KDR: variants seen among roughly 807,000 people sequenced by gnomAD.
KDR encodes the protein kinase insert domain receptor, also known as vascular endothelial growth factor receptor 2.
Under a neutral mutation model 160.9 loss-of-function variants are expected in KDR, and 43 were observed. That is an observed-to-expected ratio of 0.27 (90% CI 0.21 to 0.34). The LOEUF is 0.34. Among genes scored for constraint, KDR ranks in the 10% least tolerant of loss-of-function variants. The probability of loss-of-function intolerance (pLI) is 1.00; values close to 1 mark genes in which losing one functional copy is unlikely to be tolerated. For missense variants in KDR, 1,469 were observed against 1,666.4 expected, an observed-to-expected ratio of 0.88 and a Z score of 2.06; for synonymous variants, 617 against 600.1, an observed-to-expected ratio of 1.03 and a Z score of -0.41.
rs752603620 is a variant in KDR, at chr4:55,121,118, G to A, written c.140C>T (p.Thr47Ile). Residue 47 changes from threonine (T) to isoleucine (I), a missense_variant, in exon 2 of 30, where the codon ACA becomes ATA. Physicochemically the swap from Thr to Ile is moderately conservative, Grantham distance 89 (BLOSUM62 -1). Around this residue, in one of 7 missense-constraint regions of KDR, gnomAD observed 792 missense variants for 840.9 expected, o/e 0.94. Transcript: ENST00000263923. ...QKDILTIKANTTLQITCRGQR... is the reference protein window; with the variant it reads ...QKDILTIKANITLQITCRGQR... Reference sequence around the variant, plus strand: ...TTACCTGCAAGTAATTTGAAGAGTTGTATTAGCCTTAATTGTAAGTATGTC... The same window carrying A: ...TTACCTGCAAGTAATTTGAAGAGTTATATTAGCCTTAATTGTAAGTATGTC... The A allele has an allele frequency of 6.2e-7, 1 of 1,612,136 alleles. No homozygotes were observed. Among genetic ancestry groups the A allele is most frequent in the Non-Finnish European group, 8.5e-7 (1 of 1,178,328 alleles).
At chr4:55,096,694 A>T (rs1720165110) in intron 18 of KDR, 1 of 338,260 alleles carries the variant, frequency 3.0e-6, no homozygotes, top group Non-Finnish European at 5.6e-6. Flanking sequence ...GGGTCTGATC[A>T]TTTCAGCACT....
rs1719683117 is a variant in KDR, at chr4:55,079,825, T to C, written c.*116A>G. 1 of 955,112 alleles carries C rather than the reference T, an allele frequency of 1.0e-6. No homozygotes were observed. Among genetic ancestry groups the C allele is most frequent in the South Asian group, 1.3e-5 (1 of 76,160 alleles). 59.2% of individuals were successfully genotyped at this position (955,112 alleles called of 1,614,324 possible). A position where few individuals can be genotyped will look rare whatever the true frequency, so the allele number is the denominator to read the frequency against. ...CCTGCAGTCCGAGGTCCTTTTTCTG[T>C]TGTCGAAATGAAAATCAAATGCGGC... On this transcript the variant is annotated 3_prime_UTR_variant, in exon 30 of 30. Coordinates refer to ENST00000263923, the MANE Select transcript of KDR (RefSeq NM_002253.4).
chr4:55,107,722 T>C lies in KDR; in HGVS notation c.1412+15A>G, dbSNP rs1720478749. On this transcript the variant is annotated intron_variant, in intron 10 of 29. Coordinates refer to ENST00000263923, the MANE Select transcript of KDR (RefSeq NM_002253.4). ...CAAGATGGCAGGAAAGCAAAGAGCA[T>C]GTGGCCTTACTCACCTGGGCTCGTT... 1.9e-6 allele frequency: 3 copies of C among 1,613,816 alleles called. No homozygotes were observed. Among genetic ancestry groups the C allele is most frequent in the Non-Finnish European group, 2.5e-6 (3 of 1,179,766 alleles).
intron 15 of KDR, among the ~76,000 whole-genome samples, chr4:55,101,694 T>G (rs1720312022): frequency 6.6e-6 from 1 of 152,150 alleles, no homozygotes; most frequent in African/African-American, 2.4e-5. Context: ...TTCCCTTCCC[T>G]GTGTCTATGT....
At position 55,110,512 on chromosome 4, in the gene KDR, T is replaced by A. The variant is rs2110027487; in HGVS notation, c.1146A>T (p.Val382=). Residue 382 remains valine (V), a synonymous_variant, in exon 9 of 30, where the codon GTA becomes GTT. Coordinates refer to ENST00000263923, the MANE Select transcript of KDR (RefSeq NM_002253.4). The part of the protein sequence containing the change: ...ESNHTIKAGH[V]LTIMEVSERD... ...TTTCACTCACTTCCATAATCGTCAG[T>A]ACATGCCCCGCTTTAATTGTGTGAT... 1 of 1,614,036 alleles carries A rather than the reference T, an allele frequency of 6.2e-7. No individual in the cohort carries two copies. Among genetic ancestry groups the A allele is most frequent in the Non-Finnish European group, 8.5e-7 (1 of 1,179,960 alleles).
rs751624655 is a variant in KDR at position 55,104,763 on chromosome 4, C to T, written c.1867G>A (p.Asp623Asn). The change falls in exon 13 of 30, where the codon GAC becomes AAC. Residue 623 changes from aspartate to asparagine, a missense_variant. Around this residue, in one of 7 missense-constraint regions of KDR, gnomAD observed 792 missense variants for 840.9 expected, o/e 0.94. Coordinates refer to ENST00000263923, the MANE Select transcript of KDR (RefSeq NM_002253.4). ...TTCTTAAGCTCCATGATCAAAATGT[C>T]ATTTGTGCTATTAGAGAACATGGTG... is the stretch of plus-strand genomic sequence containing the variant. ...NATMFSNSTN[D>N]ILIMELKNAS... The T allele has an allele frequency of 1.9e-6, 3 of 1,613,926 alleles. No individual in the cohort carries two copies. Among genetic ancestry groups the T allele is most frequent in the Non-Finnish European group, 2.5e-6 (3 of 1,179,878 alleles).
Position 55,079,820 on chromosome 4 carries a change from T to A in KDR, c.*121A>T. ...GGCTCCCTGCAGTCCGAGGTCCTTTTTCTGTTGTCGAAATGAAAATCAAAT... is the reference window on the plus strand; with the variant it reads ...GGCTCCCTGCAGTCCGAGGTCCTTTATCTGTTGTCGAAATGAAAATCAAAT... On this transcript the variant is annotated 3_prime_UTR_variant, in exon 30 of 30. Transcript: ENST00000263923. The A allele has an allele frequency of 1.1e-6, 1 of 923,026 alleles. No individual in the cohort carries two copies. The highest frequency in any genetic ancestry group is 1.8e-6 in the Non-Finnish European group (1 of 560,186). The allele number at this position is 923,026 out of a possible 1,614,324, so 57.2% of individuals were successfully genotyped here.
intron 7 of KDR, among the ~76,000 whole-genome samples, chr4:55,112,504 A>T (rs1354639659): frequency 6.6e-6 from 1 of 151,014 alleles, no homozygotes; most frequent in Non-Finnish European, 1.5e-5. Context: ...GTTTTGTGGA[A>T]GTCAAAAGTT....
chr4:55,099,293 T>A (rs1560517461), intron 15 of KDR, among the ~76,000 whole-genome samples: 1 of 152,190 alleles, frequency 6.6e-6, no homozygotes, highest in Non-Finnish European at 1.5e-5. Context: ...GTGCAGGGAT[T>A]ACAGGCATAA....
Position 55,104,838 on chromosome 4 carries a change from A to C in KDR, c.1792T>G (p.Leu598Val). 1 of 1,613,350 alleles carries C rather than the reference A, an allele frequency of 6.2e-7. No individual in the cohort carries two copies. The highest frequency in any genetic ancestry group is 1.1e-5 in the South Asian group (1 of 91,028). Reference protein sequence around the residue: ...PQPLPIHVGELPTPVCKNLDT... With the variant: ...PQPLPIHVGEVPTPVCKNLDT... The stretch of plus-strand genomic sequence containing the variant: ...AAGTTCTTGCAAACAGGTGTGGGCA[A>C]CTCTCCCACATGGATTGGCAGAGGC... Residue 598 changes from leucine (L) to valine (V), a missense_variant, in exon 13 of 30, where the codon TTG becomes GTG. Leu to Val is a conservative substitution (Grantham distance 32). Around this residue, in one of 7 missense-constraint regions of KDR, gnomAD observed 792 missense variants for 840.9 expected, o/e 0.94. Coordinates refer to ENST00000263923, the MANE Select transcript of KDR (RefSeq NM_002253.4).
intron 26 of KDR, 23 bp from the exon 27 acceptor site, chr4:55,087,781 CTG>C (rs1482073034): frequency 6.2e-7 from 1 of 1,613,476 alleles, no homozygotes; most frequent in Non-Finnish European, 8.5e-7. Flanking sequence ...ACACAGAAGA[CTG>C]TTGTTATGGC....
intron 27 of KDR, among the ~76,000 whole-genome samples, chr4:55,083,943 C>G (rs1719797413): frequency 6.6e-6 from 1 of 152,210 alleles, no homozygotes; most frequent in African/African-American, 2.4e-5. Context: ...TTGTCAAACA[C>G]TACTGGTACC....
At chr4:55,088,590 CTTTGT>C (rs1193198244) in intron 26 of KDR, among the ~76,000 whole-genome samples, 1 of 152,044 alleles carries the variant, frequency 6.6e-6, no homozygotes, top group Non-Finnish European at 1.5e-5. Flanking sequence ...CAGATTTTTT[CTTTGT>C]TTTAACTTTA....
chr4:55,105,978 C>T (rs370272716), intron 11 of KDR, 38 bp from the exon 12 acceptor site: 19 of 1,323,224 alleles, frequency 1.4e-5, no homozygotes, highest in African/African-American at 1.0e-4. Context: ...CCATAAACAA[C>T]GCGGCTGTTT....
intron 3 of KDR, 52 bp downstream of exon 3, chr4:55,118,552 C>A (rs1245265273): frequency 2.1e-6 from 3 of 1,436,066 alleles, no homozygotes; most frequent in African/African-American, 1.4e-5. Context: ...AGCCTATTGT[C>A]TTTTATAACT....
rs1719646221 is a variant in KDR, at chr4:55,078,748, C to CA, written c.*1192dup. On this transcript the variant is annotated 3_prime_UTR_variant, in exon 30 of 30. Coordinates refer to ENST00000263923, the MANE Select transcript of KDR (RefSeq NM_002253.4). ...TTTGAAAAAAAGGACAGAACAAGGGCAAAAATCAGTAGAAATAGCTCTATA... is the reference window on the plus strand; with the variant it reads ...TTTGAAAAAAAGGACAGAACAAGGGCAAAAAATCAGTAGAAATAGCTCTATA... 4.3e-6 allele frequency: 1 copy of CA among 232,360 alleles called. No homozygotes were observed. The highest frequency in any genetic ancestry group is 8.5e-6 in the Non-Finnish European group (1 of 117,732). 14.4% of individuals were successfully genotyped at this position (232,360 alleles called of 1,614,324 possible).
Position 55,092,602 on chromosome 4 carries a change from C to G in KDR, c.3069+15G>C. ...GATCTGAAAAGATAGCTGATTTCCC[C>G]TCAACCTTTCTTACCTTTCGCGATG... On this transcript the variant is annotated intron_variant, in intron 22 of 29. Coordinates refer to ENST00000263923, the MANE Select transcript of KDR (RefSeq NM_002253.4). The G allele has an allele frequency of 6.3e-7, 1 of 1,583,680 alleles. No individual in the cohort carries two copies. The highest frequency in any genetic ancestry group is 1.7e-5 in the Admixed American group (1 of 59,956).
intron 27 of KDR, among the ~76,000 whole-genome samples, chr4:55,084,202 A>C (rs1191607742): frequency 3.3e-5 from 5 of 152,256 alleles, no homozygotes; most frequent in Non-Finnish European, 7.3e-5. Flanking sequence ...ATGAAGAGCC[A>C]CTGAAGGATT....
intron 8 of KDR, 37 bp downstream of exon 8, chr4:55,110,617 C>A (rs752331056): frequency 6.2e-7 from 1 of 1,612,732 alleles, no homozygotes; most frequent in African/African-American, 1.3e-5. Flanking sequence ...TTTGCTCTCA[C>A]ACGAAATGAT....
Sources: allele counts gnomAD v4.1 joint callset (sites outside exome capture counted in the v4.1 genomes callset), GRCh38; gene constraint gnomAD v4.1.1; regional missense constraint gnomAD v4.1.1; transcripts MANE v1.5; gene names NCBI Gene and HGNC (gene_info 2026-07-23, HGNC 2026-07-21).